QRSL1: variants seen among roughly 807,000 people sequenced by gnomAD.
QRSL1 encodes glutamyl-tRNA(Gln) amidotransferase subunit A, mitochondrial.
In QRSL1, 54 loss-of-function variants were observed where a neutral mutation model predicts 61.6. The observed-to-expected ratio is 0.88, with a 90% CI of 0.70 to 1.10. The LOEUF (loss-of-function observed/expected upper bound fraction) is 1.10. Ranked by LOEUF, QRSL1 falls within the 50% of genes least tolerant of loss-of-function variation. The pLI, the probability that QRSL1 is intolerant of heterozygous loss-of-function variation, is 0.00. For missense variants in QRSL1, 505 were observed against 622.6 expected, an observed-to-expected ratio of 0.81 and a Z score of 2.01; for synonymous variants, 228 against 225.7, an observed-to-expected ratio of 1.01 and a Z score of -0.09.
chr6:106,630,068 G>T (rs1181087743), intron 1 of QRSL1, among the ~76,000 whole-genome samples: 1 of 152,118 alleles, frequency 6.6e-6, no homozygotes. Context: ...TGCAGTTGTC[G>T]CTAAGAAGCC....
At chr6:106,653,417 A>G (rs1324701963) in intron 7 of QRSL1, 2 of 152,238 alleles carry the variant, frequency 1.3e-5, no homozygotes, top group African/African-American at 2.4e-5. Context: ...CCCACAACCA[A>G]AAATGTCTGC....
rs775077368 is a variant in QRSL1 at position 106,643,002 on chromosome 6, C to T, written c.292C>T (p.Pro98Ser). 7 of 1,603,996 alleles carry T rather than the reference C, an allele frequency of 4.4e-6. No individual in the cohort carries two copies. The highest frequency in any genetic ancestry group is 1.7e-5 in the Admixed American group (1 of 57,436). The change falls in exon 4 of 11, where the codon CCA (proline) becomes TCA (serine). Residue 98 changes from proline to serine, a missense_variant. Transcript: ENST00000369046. ...AACTAAATTTTTTTCAGGTTATATACCACCTTATAATGCTACAGTAGTTCA... is the reference window on the plus strand; with the variant it reads ...AACTAAATTTTTTTCAGGTTATATATCACCTTATAATGCTACAGTAGTTCA... ...CASNMLKGYI[P>S]PYNATVVQKL... is the part of the protein sequence containing the mutation.
chr6:106,644,001 A>G (rs1319878552), intron 4 of QRSL1, among the ~76,000 whole-genome samples: 2 of 151,612 alleles, frequency 1.3e-5, no homozygotes, highest in African/African-American at 4.9e-5. Context: ...CCTCCCAAGT[A>G]GCTGGGACTA....
intron 2 of QRSL1, 56 bp from the exon 3 acceptor site, chr6:106,640,767 T>C: frequency 7.1e-7 from 1 of 1,417,394 alleles, no homozygotes; most frequent in Non-Finnish European, 9.9e-7. Flanking sequence ...CATGTATTCA[T>C]GTATCTTTAT....
intron 1 of QRSL1, among the ~76,000 whole-genome samples, chr6:106,638,635 G>A (rs944942206): frequency 9.2e-5 from 14 of 152,014 alleles, no homozygotes; most frequent in East Asian, 1.9e-4. Flanking sequence ...ACCATTAGAC[G>A]AACTCTCTCT....
chr6:106,637,435 T>C (rs967295316), intron 1 of QRSL1, among the ~76,000 whole-genome samples: 1 of 152,128 alleles, frequency 6.6e-6, no homozygotes, highest in Admixed American at 6.6e-5. Flanking sequence ...AAGATGACAG[T>C]GTGCTAGCCA....
Position 106,640,907 on chromosome 6 carries a change from C to G in QRSL1, c.269C>G (p.Ser90Ter), listed in dbSNP as rs1777009416. ...STSGIETTCA[S>*]NMLKGYIPPY... ...TCTGGCATTGAGACAACATGTGCAT[C>G]AAATATGCTGAAAGGTAAAGTTTAA... The change falls in exon 3 of 11, where the codon TCA becomes TGA. Residue 90 changes from serine (S) to a stop codon, truncating the protein, a stop_gained. Coordinates refer to ENST00000369046, the MANE Select transcript of QRSL1 (RefSeq NM_018292.5). LOFTEE classifies it high-confidence loss of function. 3 of 1,612,252 alleles carry G rather than the reference C, an allele frequency of 1.9e-6. No homozygotes were observed. The highest frequency in any genetic ancestry group is 2.5e-6 in the Non-Finnish European group (3 of 1,178,838).
intron 9 of QRSL1, among the ~76,000 whole-genome samples, chr6:106,662,169 C>T (rs190874215): frequency 6.6e-6 from 1 of 152,228 alleles, no homozygotes; most frequent in African/African-American, 2.4e-5. Context: ...ATTTCTACCC[C>T]TGGGCTATAC....
At position 106,657,394 on chromosome 6, in the gene QRSL1, T is replaced by G. The variant is rs1777288744; in HGVS notation, c.1160+1662T>G. ...GAAATAATTTTCTAAGTGAAAACAT[T>G]TATTAAGCTAAAGATATTACTTTTG... On this transcript the variant is annotated intron_variant, in intron 9 of 10. Transcript: ENST00000369046. 5.9e-5 allele frequency among the ~76,000 whole-genome samples: 9 copies of G among 152,340 alleles called. No homozygotes were observed. The South Asian group carries it at 1.9e-3, about 32-fold the overall frequency.
At chr6:106,642,588 G>T in intron 3 of QRSL1, 1 of 747,128 alleles carries the variant, frequency 1.3e-6, no homozygotes. Context: ...AAGGGAATGG[G>T]TATTGTTCAA....
intron 5 of QRSL1, among the ~76,000 whole-genome samples, chr6:106,650,410 G>A (rs567098354): frequency 6.6e-6 from 1 of 152,312 alleles, no homozygotes; most frequent in East Asian, 1.9e-4. Flanking sequence ...GTTATTGTTA[G>A]GAGCATTGTT....
At chr6:106,634,037 G>C (rs1302946481) in intron 1 of QRSL1, among the ~76,000 whole-genome samples, 1 of 152,104 alleles carries the variant, frequency 6.6e-6, no homozygotes, top group Non-Finnish European at 1.5e-5. Context: ...GAACTAGTTG[G>C]GGGAGCTGGA....
chr6:106,640,502 A>G lies in QRSL1; in HGVS notation c.178A>G (p.Lys60Glu). 1.9e-6 allele frequency: 3 copies of G among 1,567,076 alleles called. No homozygotes were observed. Among genetic ancestry groups the G allele is most frequent in the Non-Finnish European group, 2.6e-6 (3 of 1,162,114 alleles). ...AGCTGAAGAATCAGAAAAGAGATAT[A>G]AGAATGGTAAATTGCTTTTAACTAT... Reference protein sequence around the residue: ...KQAEESEKRYKNGQSLGDLDG... With the variant: ...KQAEESEKRYENGQSLGDLDG... The change falls in exon 2 of 11, where the codon AAG becomes GAG. Residue 60 changes from lysine (K) to glutamate (E), a missense_variant. By Grantham distance (56) the Lys-to-Glu change is moderately conservative. Coordinates refer to ENST00000369046, the MANE Select transcript of QRSL1 (RefSeq NM_018292.5).
At chr6:106,662,870 CA>C in intron 9 of QRSL1, 109 bp from the exon 10 acceptor site, 2 of 997,208 alleles carry the variant, frequency 2.0e-6, no homozygotes, top group South Asian at 3.2e-5. Flanking sequence ...ACTTTTTATT[CA>C]GCCAGAAAAT....
chr6:106,652,238 C>A lies in QRSL1; in HGVS notation c.587C>A (p.Thr196Asn), dbSNP rs763639020. The change falls in exon 6 of 11, where the codon ACC (threonine) becomes AAC (asparagine). Residue 196 changes from threonine to asparagine, a missense_variant. Physicochemically the swap from Thr to Asn is moderately conservative, Grantham distance 65 (BLOSUM62 0). Transcript: ENST00000369046. ...AALGSDTGGS[T>N]RNPAAHCGLV... ...TTAGGATCAGATACAGGAGGATCGA[C>A]CAGAAATCCTGCTGCCCACTGTGGG... is the stretch of plus-strand genomic sequence containing the variant. 1.1e-5 allele frequency: 17 copies of A among 1,613,924 alleles called. No homozygotes were observed. The Admixed American group carries it at 1.8e-4, about 17-fold the overall frequency.
At chr6:106,642,356 G>A (rs112360609) in intron 3 of QRSL1, 25,917 of 357,910 alleles carry the variant, frequency 0.072, 1,506 homozygotes, top group East Asian at 0.27. Context: ...CCGCCCCGCC[G>A]ACTCTTGTTT....
chr6:106,647,743 C>T (rs1246584921), intron 4 of QRSL1, among the ~76,000 whole-genome samples: 5 of 142,080 alleles, frequency 3.5e-5, no homozygotes, highest in South Asian at 2.4e-4. Context: ...CTCCGCCTCC[C>T]GGGTTCACAC....
chr6:106,640,241 A>G (rs1245122666), intron 1 of QRSL1, 108 bp from the exon 2 acceptor site: 1 of 961,342 alleles, frequency 1.0e-6, no homozygotes, highest in Admixed American at 2.3e-5. Context: ...CCCAAGCCTC[A>G]CTTTAAAATG....
intron 7 of QRSL1, chr6:106,652,928 C>A: frequency 1.7e-6 from 1 of 575,710 alleles, no homozygotes; most frequent in Non-Finnish European, 2.9e-6. Flanking sequence ...CAGCCACAGA[C>A]AATATGTAAA....
Sources: gnomAD v4.1 joint callset for allele counts (sites outside exome capture counted in the v4.1 genomes callset) on GRCh38, gnomAD v4.1.1 for gene constraint, MANE v1.5 for transcripts, NCBI Gene and HGNC (gene_info 2026-07-23, HGNC 2026-07-21) for gene names.